CNKSR2: variants seen among roughly 807,000 people sequenced by gnomAD.
CNKSR2 encodes the protein CNK homolog protein 2.
CNKSR2 carries 14 observed loss-of-function variants against 84.4 expected under a neutral mutation model. That is an observed-to-expected ratio of 0.17 (90% CI 0.11 to 0.26). The LOEUF is 0.26. Ranked by LOEUF, CNKSR2 falls within the 10% of genes least tolerant of loss-of-function variation. The pLI, the probability that CNKSR2 is intolerant of heterozygous loss-of-function variation, is 1.00. For missense variants in CNKSR2, 485 were observed against 771.2 expected (o/e 0.63, Z 4.40); for synonymous variants, 275 against 277.9 (o/e 0.99, Z 0.10).
intron 5 of CNKSR2, 99 bp from the exon 6 acceptor site, chrX:21,490,360 C>T: frequency 2.4e-6 from 2 of 834,128 alleles, no homozygotes; most frequent in East Asian, 6.8e-5. Flanking sequence ...CTTTCTTCTA[C>T]TGTTTATTTT....
At chrX:21,412,262 A>G (rs2090355348) in intron 1 of CNKSR2, among the ~76,000 whole-genome samples, 1 of 112,053 alleles carries the variant, frequency 8.9e-6, no homozygotes, top group South Asian at 3.7e-4. Context: ...CTTACCTCCC[A>G]CCTGGAAGAC....
At chrX:21,391,885 G>A (rs1047354966) in intron 1 of CNKSR2, among the ~76,000 whole-genome samples, 1 of 111,381 alleles carries the variant, frequency 9.0e-6, no homozygotes, top group African/African-American at 3.3e-5. Flanking sequence ...ATGACCATAC[G>A]CTATTAGAAG....
chrX:21,627,698 T>C (rs1028390780), intron 20 of CNKSR2, among the ~76,000 whole-genome samples: 3 of 111,403 alleles, frequency 2.7e-5, no homozygotes, highest in Admixed American at 9.5e-5. Context: ...GTGAGACTTA[T>C]TCACTATCAT....
chrX:21,511,750 G>T (rs1310670902), intron 8 of CNKSR2, among the ~76,000 whole-genome samples: 1 of 111,439 alleles, frequency 9.0e-6, no homozygotes, highest in Non-Finnish European at 1.9e-5. Context: ...ATAATCATCT[G>T]AACTCTGTGT....
chrX:21,509,125 CAT>C (rs1451542018), intron 8 of CNKSR2, among the ~76,000 whole-genome samples: 1 of 111,887 alleles, frequency 8.9e-6, no homozygotes, highest in African/African-American at 3.2e-5. Flanking sequence ...TATATGCACA[CAT>C]ATTCATAACT....
chrX:21,641,330 A>C (rs982698784), intron 20 of CNKSR2, among the ~76,000 whole-genome samples: 4 of 111,940 alleles, frequency 3.6e-5, no homozygotes, highest in Non-Finnish European at 5.6e-5. Flanking sequence ...TTAAAGCAAA[A>C]GGTGTCCCAT....
chrX:21,583,110 G>A (rs151003508), intron 13 of CNKSR2, among the ~76,000 whole-genome samples: 344 of 111,123 alleles, frequency 3.1e-3, no homozygotes, highest in Middle Eastern at 4.6e-3. Context: ...AGTTATACAT[G>A]TACCCCGATC....
intron 1 of CNKSR2, among the ~76,000 whole-genome samples, chrX:21,409,958 A>G (rs1359494269): frequency 9.0e-6 from 1 of 111,210 alleles, no homozygotes; most frequent in Non-Finnish European, 1.9e-5. Context: ...GTATCATTAT[A>G]TATTTTCTAA....
At chrX:21,550,476 A>T (rs1323565330) in intron 11 of CNKSR2, among the ~76,000 whole-genome samples, 2 of 112,390 alleles carry the variant, frequency 1.8e-5, no homozygotes, top group African/African-American at 6.5e-5. Context: ...GTGGGCCTGT[A>T]AATTAGTTCA....
At chrX:21,546,561 T>C (rs1298248510) in intron 11 of CNKSR2, among the ~76,000 whole-genome samples, 1 of 110,245 alleles carries the variant, frequency 9.1e-6, no homozygotes, top group African/African-American at 3.3e-5. Context: ...AAATTCAAAT[T>C]CAGGAAATAC....
At chrX:21,586,910 T>C (rs1443246896) in intron 13 of CNKSR2, among the ~76,000 whole-genome samples, 4 of 111,381 alleles carry the variant, frequency 3.6e-5, no homozygotes, top group African/African-American at 3.3e-5. Context: ...GGAAGATAAA[T>C]TGAGAGGTAC....
intron 4 of CNKSR2, among the ~76,000 whole-genome samples, chrX:21,457,510 C>A (rs994763709): frequency 5.4e-5 from 6 of 111,682 alleles, no homozygotes; most frequent in Admixed American, 3.8e-4. Context: ...TTTCATTATT[C>A]TTTTGTAGTT....
At chrX:21,563,026 T>C (rs753408036) in intron 12 of CNKSR2, among the ~76,000 whole-genome samples, 2 of 111,861 alleles carry the variant, frequency 1.8e-5, no homozygotes, top group East Asian at 5.6e-4. Flanking sequence ...AGATATACTG[T>C]ATTTCACTAC....
At chrX:21,440,625 AG>A in intron 3 of CNKSR2, 68 bp from the exon 4 acceptor site, 1 of 470,342 alleles carries the variant, frequency 2.1e-6, no homozygotes, top group Non-Finnish European at 3.6e-6. Context: ...AACTCATTTT[AG>A]GCTACTATAT....
chrX:21,466,057 A>G (rs1453220344), intron 4 of CNKSR2, among the ~76,000 whole-genome samples: 1 of 111,974 alleles, frequency 8.9e-6, no homozygotes, highest in East Asian at 2.8e-4. Context: ...TAAATGCATC[A>G]CATAATTTGT....
At position 21,595,400 on chromosome X, in the gene CNKSR2, A is replaced by C. The variant is rs2147258601; in HGVS notation, c.1976+5A>C. The stretch of plus-strand genomic sequence containing the variant: ...ACATCTTGATGATATGAACAGGTAA[A>C]GTATTTCAGAGTATGTAGAAGGTCA... On this transcript the variant is annotated splice_donor_5th_base_variant and intron_variant, in intron 17 of 21. Coordinates refer to ENST00000379510, the MANE Select transcript of CNKSR2 (RefSeq NM_014927.5). 1 of 1,082,967 alleles carries C rather than the reference A, an allele frequency of 9.2e-7. No individual in the cohort carries two copies. The highest frequency in any genetic ancestry group is 1.3e-6 in the Non-Finnish European group (1 of 785,498). 89.2% of individuals were successfully genotyped at this position (1,082,967 alleles called of 1,213,427 possible).
chrX:21,452,132 C>A lies in CNKSR2; in HGVS notation c.519+11351C>A, dbSNP rs200993442. Among the ~76,000 whole-genome samples, 5 of 111,708 alleles carry A rather than the reference C, an allele frequency of 4.5e-5. No homozygotes were observed. The East Asian group carries it at 1.4e-3, about 32-fold the overall frequency. ...CCAAGATGGAGTCTCACTCTGTCAC[C>A]CAGGCTGGAGTGCAGTGGCGCAATC... On this transcript the variant is annotated intron_variant, in intron 4 of 21. Coordinates refer to ENST00000379510, the MANE Select transcript of CNKSR2 (RefSeq NM_014927.5).
At chrX:21,610,406 C>G (rs1458517635) in intron 20 of CNKSR2, among the ~76,000 whole-genome samples, 1 of 112,117 alleles carries the variant, frequency 8.9e-6, no homozygotes, top group Non-Finnish European at 1.9e-5. Context: ...GTCCAGAAAC[C>G]CAGGCTGGTT....
intron 11 of CNKSR2, among the ~76,000 whole-genome samples, chrX:21,534,322 A>T (rs1340868390): frequency 9.1e-6 from 1 of 110,059 alleles, no homozygotes; most frequent in African/African-American, 3.3e-5. Flanking sequence ...CATTTTCTTT[A>T]TCCATTAATC....
Sources: allele counts gnomAD v4.1 joint callset (sites outside exome capture counted in the v4.1 genomes callset), GRCh38; gene constraint gnomAD v4.1.1; transcripts MANE v1.5; gene names NCBI Gene and HGNC (gene_info 2026-07-23, HGNC 2026-07-21).